ELOVL2: variants seen among roughly 807,000 people sequenced by gnomAD.
The protein encoded by ELOVL2 is very long chain fatty acid elongase 2.
In ELOVL2, 38 loss-of-function variants were observed where a neutral mutation model predicts 37.7. That is an observed-to-expected ratio of 1.01 (90% CI 0.78 to 1.32). The LOEUF (loss-of-function observed/expected upper bound fraction) is 1.32. Ranked by LOEUF, ELOVL2 falls within the 40% of genes most tolerant of loss-of-function variation. The probability of loss-of-function intolerance (pLI) is 0.00; values close to 1 mark genes in which losing one functional copy is unlikely to be tolerated. For missense variants in ELOVL2, 352 were observed against 363.6 expected, an observed-to-expected ratio of 0.97 and a Z score of 0.26; for synonymous variants, 115 against 122.3, an observed-to-expected ratio of 0.94 and a Z score of 0.40.
intron 3 of ELOVL2, among the ~76,000 whole-genome samples, chr6:11,000,447 T>G (rs1402210756): frequency 6.6e-6 from 1 of 152,236 alleles, no homozygotes; most frequent in Admixed American, 6.5e-5. Flanking sequence ...CAAAATTTTA[T>G]GTAAGGAATT....
At chr6:11,039,368 T>C (rs1368995479) in intron 1 of ELOVL2, among the ~76,000 whole-genome samples, 1 of 152,212 alleles carries the variant, frequency 6.6e-6, no homozygotes, top group Non-Finnish European at 1.5e-5. Flanking sequence ...TGCATAAACA[T>C]CAAGTTTCAT....
rs901771078 is a variant in ELOVL2 at position 10,991,925 on chromosome 6, G to A, written c.506-1483C>T. Among the ~76,000 whole-genome samples the A allele has an allele frequency of 2.0e-5, 3 of 152,120 alleles. No homozygotes were observed. The South Asian group carries it at 6.2e-4, about 32-fold the overall frequency. On this transcript the variant is annotated intron_variant, in intron 5 of 7. Transcript: ENST00000354666. The stretch of plus-strand genomic sequence containing the variant: ...TTCAAAAAATTGAAAGTCTGCTCTG[G>A]TAGGTCAAAGTATCATTTTTCTAAT...
At chr6:11,003,555 T>C (rs550068077) in intron 3 of ELOVL2, among the ~76,000 whole-genome samples, 16 of 152,362 alleles carry the variant, frequency 1.1e-4, no homozygotes, top group African/African-American at 3.1e-4. Context: ...CAGTCTATCA[T>C]TGATGGGCGT....
At chr6:11,026,351 T>C (rs1782837675) in intron 1 of ELOVL2, among the ~76,000 whole-genome samples, 1 of 152,186 alleles carries the variant, frequency 6.6e-6, no homozygotes, top group South Asian at 2.1e-4. Flanking sequence ...AGCCTTAAAA[T>C]AGCCATGGTT....
In ELOVL2 at chr6:10,981,226, GT is replaced by G. The variant is rs1561708778; in HGVS notation, c.*2554del. 1 of 152,260 alleles carries G rather than the reference GT, an allele frequency of 6.6e-6. No homozygotes were observed. The highest frequency in any genetic ancestry group is 2.4e-5 in the African/African-American group (1 of 41,418). The allele number at this position is 152,260 out of a possible 1,614,324, so 9.4% of individuals were successfully genotyped here. ...AATAGATATGCTTTACAGTATTTAA[GT>G]ATTTTCATTCCCATGGGTCAGAGGA... is the stretch of plus-strand genomic sequence containing the variant. On this transcript the variant is annotated 3_prime_UTR_variant, in exon 8 of 8. Transcript: ENST00000354666.
intron 6 of ELOVL2, 123 bp from the exon 7 acceptor site, chr6:10,989,960 CAAAGCTGCT>C (rs776441725): frequency 8.6e-7 from 1 of 1,161,264 alleles, no homozygotes; most frequent in Non-Finnish European, 1.2e-6. Flanking sequence ...AGGAACAAAA[CAAAGCTGCT>C]GAAGCAGCCC....
chr6:11,037,179 C>T (rs1437147596), intron 1 of ELOVL2, among the ~76,000 whole-genome samples: 1 of 132,572 alleles, frequency 7.5e-6, no homozygotes, highest in Non-Finnish European at 1.6e-5. Flanking sequence ...ACAAGAGAGG[C>T]AGAGAGGGAA....
chr6:11,027,903 A>G (rs1409532076), intron 1 of ELOVL2, among the ~76,000 whole-genome samples: 1 of 152,224 alleles, frequency 6.6e-6, no homozygotes, highest in Non-Finnish European at 1.5e-5. Flanking sequence ...TTCTTTCTAA[A>G]TTGATTCCAG....
chr6:10,988,009 A>C (rs1410843084), intron 7 of ELOVL2, among the ~76,000 whole-genome samples: 1 of 151,872 alleles, frequency 6.6e-6, no homozygotes, highest in Non-Finnish European at 1.5e-5. Flanking sequence ...GCCATTACCT[A>C]CTCTTGCTGG....
intron 4 of ELOVL2, among the ~76,000 whole-genome samples, chr6:10,996,778 G>A (rs1197017037): frequency 6.6e-6 from 1 of 152,216 alleles, no homozygotes; most frequent in Non-Finnish European, 1.5e-5. Flanking sequence ...GGGAGGCCGA[G>A]GCAGGTGGAT....
chr6:10,986,525 C>G (rs1782056770), intron 7 of ELOVL2, among the ~76,000 whole-genome samples: 1 of 152,184 alleles, frequency 6.6e-6, no homozygotes, highest in Admixed American at 6.5e-5. Context: ...TACGTCCCAT[C>G]AATACCTAAT....
At chr6:10,993,821 G>A (rs1229769906) in intron 5 of ELOVL2, among the ~76,000 whole-genome samples, 1 of 149,684 alleles carries the variant, frequency 6.7e-6, no homozygotes, top group Non-Finnish European at 1.5e-5. Flanking sequence ...CCGAGGAGCT[G>A]GTGGTATTAC....
rs1172751766 is a variant in ELOVL2, at chr6:10,983,606, G to T, written c.*175C>A. 1 of 687,258 alleles carries T rather than the reference G, an allele frequency of 1.5e-6. No individual in the cohort carries two copies. Among genetic ancestry groups the T allele is most frequent in the East Asian group, 3.2e-5 (1 of 31,646 alleles). The allele number at this position is 687,258 out of a possible 1,614,324, so 42.6% of individuals were successfully genotyped here. A position where few individuals can be genotyped will look rare whatever the true frequency, so the allele number is the denominator to read the frequency against. The stretch of plus-strand genomic sequence containing the variant: ...GAGCATCACCTCAATGCTGATCAAA[G>T]CATTCAGTTAACAGATTAACCTAAT... On this transcript the variant is annotated 3_prime_UTR_variant, in exon 8 of 8. Coordinates refer to ENST00000354666, the MANE Select transcript of ELOVL2 (RefSeq NM_017770.4).
intron 2 of ELOVL2, among the ~76,000 whole-genome samples, chr6:11,006,720 G>C (rs989720829): frequency 1.3e-5 from 2 of 152,216 alleles, no homozygotes; most frequent in Non-Finnish European, 2.9e-5. Context: ...ATTGGTGATA[G>C]AGATAAAAAG....
intron 3 of ELOVL2, among the ~76,000 whole-genome samples, chr6:11,003,106 G>A (rs1383231152): frequency 6.6e-6 from 1 of 152,192 alleles, no homozygotes; most frequent in Admixed American, 6.5e-5. Context: ...GGTGTGGTTG[G>A]ACATGCAGGC....
At chr6:11,012,946 G>A (rs1333186899) in intron 1 of ELOVL2, among the ~76,000 whole-genome samples, 1 of 152,130 alleles carries the variant, frequency 6.6e-6, no homozygotes, top group East Asian at 1.9e-4. Context: ...GTGCTATAAA[G>A]GATAGAGAAA....
At chr6:11,040,324 G>A (rs1783080175) in intron 1 of ELOVL2, among the ~76,000 whole-genome samples, 1 of 152,014 alleles carries the variant, frequency 6.6e-6, no homozygotes. Flanking sequence ...GTACAATCTA[G>A]AGCTCTTTGT....
At chr6:11,024,366 C>CT (rs1469082962) in intron 1 of ELOVL2, among the ~76,000 whole-genome samples, 2 of 152,112 alleles carry the variant, frequency 1.3e-5, no homozygotes, top group African/African-American at 4.8e-5. Context: ...TATCCTTTTT[C>CT]TTATTGATAA....
intron 1 of ELOVL2, among the ~76,000 whole-genome samples, chr6:11,018,027 C>G (rs1014082450): frequency 6.6e-6 from 1 of 152,192 alleles, no homozygotes; most frequent in African/African-American, 2.4e-5. Context: ...AGAGCCTTAA[C>G]ATTCTTAACT....
Sources: gnomAD v4.1 joint callset for allele counts (sites outside exome capture counted in the v4.1 genomes callset) on GRCh38, gnomAD v4.1.1 for gene constraint, MANE v1.5 for transcripts, NCBI Gene and HGNC (gene_info 2026-07-23, HGNC 2026-07-21) for gene names.